DNAH9: variants seen among roughly 807,000 people sequenced by gnomAD.
DNAH9 encodes DNAH9 variant protein.
Under a neutral mutation model 471.6 loss-of-function variants are expected in DNAH9, and 345 were observed. That is an observed-to-expected ratio of 0.73 (90% CI 0.67 to 0.80). DNAH9 has a LOEUF of 0.80. Among genes scored for constraint, DNAH9 ranks in the 30% least tolerant of loss-of-function variants. The pLI is 0.00. For missense variants in DNAH9, 5,407 were observed against 5,609.2 expected (o/e 0.96, Z 1.15); for synonymous variants, 2,093 against 2,123.6 (o/e 0.99, Z 0.40).
At chr17:11,926,234 A>C (rs895334392) in intron 62 of DNAH9, among the ~76,000 whole-genome samples, 1 of 152,044 alleles carries the variant, frequency 6.6e-6, no homozygotes, top group Non-Finnish European at 1.5e-5. Context: ...CGTTGAACAC[A>C]GGCCTTCTTT....
chr17:11,674,380 C>A (rs1180029770), intron 17 of DNAH9, among the ~76,000 whole-genome samples: 1 of 152,138 alleles, frequency 6.6e-6, no homozygotes, highest in Non-Finnish European at 1.5e-5. Flanking sequence ...TTGTTCAATC[C>A]TGGCCACTCT....
chr17:11,801,876 C>G, intron 43 of DNAH9, among the ~76,000 whole-genome samples: 1 of 151,762 alleles, frequency 6.6e-6, no homozygotes, highest in East Asian at 1.9e-4. Context: ...GGTGATCAAA[C>G]TAATATTGTT....
intron 61 of DNAH9, among the ~76,000 whole-genome samples, chr17:11,909,690 T>A (rs896585982): frequency 6.6e-6 from 1 of 152,158 alleles, no homozygotes; most frequent in Non-Finnish European, 1.5e-5. Context: ...CAGGTACAGA[T>A]GAGACACGCT....
At chr17:11,822,379 C>A in intron 46 of DNAH9, 59 bp from the exon 47 acceptor site, 1 of 1,594,138 alleles carries the variant, frequency 6.3e-7, no homozygotes, top group Non-Finnish European at 8.6e-7. Flanking sequence ...CCATATCTGC[C>A]TCTCCGTGAG....
chr17:11,943,873 A>G (rs903486364), intron 67 of DNAH9, among the ~76,000 whole-genome samples: 1 of 152,184 alleles, frequency 6.6e-6, no homozygotes, highest in Non-Finnish European at 1.5e-5. Flanking sequence ...ATGAAGTACA[A>G]AATTTCACAG....
intron 51 of DNAH9, among the ~76,000 whole-genome samples, chr17:11,870,070 C>T (rs9895370): frequency 0.42 from 64,030 of 151,950 alleles, 13,835 homozygotes; most frequent in Admixed American, 0.56. Flanking sequence ...GCAGGGTAGT[C>T]GGACGTCTTA....
intron 14 of DNAH9, among the ~76,000 whole-genome samples, chr17:11,654,118 G>A: frequency 1.5e-5 from 1 of 66,988 alleles, no homozygotes; most frequent in Non-Finnish European, 3.6e-5. Context: ...CACTTTGGGA[G>A]GCCGAGGCGG....
chr17:11,734,759 C>T (rs140215636), intron 28 of DNAH9, among the ~76,000 whole-genome samples: 3 of 152,340 alleles, frequency 2.0e-5, no homozygotes, highest in Non-Finnish European at 4.4e-5. Flanking sequence ...TGCTAAATCC[C>T]ATCCTGTACA....
chr17:11,802,399 G>A (rs988258969), intron 43 of DNAH9, among the ~76,000 whole-genome samples: 2 of 152,090 alleles, frequency 1.3e-5, no homozygotes, highest in East Asian at 1.9e-4. Flanking sequence ...AGACCAAGGC[G>A]GGATGGATCA....
chr17:11,733,056 G>C (rs1398291986), intron 28 of DNAH9, among the ~76,000 whole-genome samples: 1 of 152,232 alleles, frequency 6.6e-6, no homozygotes, highest in Non-Finnish European at 1.5e-5. Context: ...ACCCAGAAAT[G>C]TTAAAATGTT....
At chr17:11,649,782 A>T (rs1193513394) in intron 12 of DNAH9, among the ~76,000 whole-genome samples, 1 of 152,082 alleles carries the variant, frequency 6.6e-6, no homozygotes, top group Non-Finnish European at 1.5e-5. Context: ...TATATTCATT[A>T]CTCATGTATA....
At chr17:11,922,481 T>C (rs1182561581) in intron 61 of DNAH9, among the ~76,000 whole-genome samples, 1 of 152,224 alleles carries the variant, frequency 6.6e-6, no homozygotes, top group East Asian at 1.9e-4. Flanking sequence ...GCTAATGTTC[T>C]CTATATTAGG....
rs1224739758 is a variant in DNAH9, at chr17:11,778,424, GA to G, written c.7553-2584del. The stretch of plus-strand genomic sequence containing the variant: ...GAGCAGAGCTTGAGGAGGAGAACAG[GA>G]GAGAAAAACAAAGATGCAAGTTTAG... On this transcript the variant is annotated intron_variant, in intron 38 of 68. Transcript: ENST00000262442. Among the ~76,000 whole-genome samples, 24 of 151,164 alleles carry G rather than the reference GA, an allele frequency of 1.6e-4. No individual in the cohort carries two copies. In the South Asian group the frequency reaches 4.9e-3, roughly 31 times the overall value.
intron 51 of DNAH9, 106 bp from the exon 52 acceptor site, chr17:11,871,492 T>G (rs989819522): frequency 1.0e-5 from 10 of 998,854 alleles, no homozygotes; most frequent in Non-Finnish European, 1.5e-5. Context: ...ATATTCTGCC[T>G]CTTCCCGCTA....
At chr17:11,954,201 T>G (rs1448983959) in intron 67 of DNAH9, among the ~76,000 whole-genome samples, 1 of 151,490 alleles carries the variant, frequency 6.6e-6, no homozygotes, top group Middle Eastern at 3.2e-3. Context: ...CTAACATACA[T>G]GTAATTGGTG....
chr17:11,878,830 A>G (rs1308756459), intron 53 of DNAH9, among the ~76,000 whole-genome samples: 1 of 152,118 alleles, frequency 6.6e-6, no homozygotes, highest in Non-Finnish European at 1.5e-5. Context: ...TGGCCTCCCA[A>G]AGTTCTGGGT....
At chr17:11,764,751 A>G (rs573149257) in intron 36 of DNAH9, among the ~76,000 whole-genome samples, 8 of 152,324 alleles carry the variant, frequency 5.3e-5, no homozygotes, top group East Asian at 1.9e-4. Flanking sequence ...TCTTACATCA[A>G]ATGTTCTTAG....
chr17:11,779,972 T>A lies in DNAH9; in HGVS notation c.7553-1037T>A, dbSNP rs182844887. On this transcript the variant is annotated intron_variant, in intron 38 of 68. Transcript: ENST00000262442. ...TTTCTCCTTGTTTACAAACTTGTTT[T>A]TCAAGAGAAGAAATCAGATGGTTCT... Among the ~76,000 whole-genome samples the A allele has an allele frequency of 8.5e-5, 13 of 152,354 alleles. No homozygotes were observed. The East Asian group carries it at 2.5e-3, about 29-fold the overall frequency.
intron 11 of DNAH9, among the ~76,000 whole-genome samples, chr17:11,645,521 C>T (rs2073364610): frequency 6.6e-6 from 1 of 152,180 alleles, no homozygotes. Context: ...GTCACCATAG[C>T]CACCACCAGC....
Sources: gnomAD v4.1 joint callset for allele counts (sites outside exome capture counted in the v4.1 genomes callset) on GRCh38, gnomAD v4.1.1 for gene constraint, MANE v1.5 for transcripts, NCBI Gene and HGNC (gene_info 2026-07-23, HGNC 2026-07-21) for gene names.